UNG: variants seen among roughly 807,000 people sequenced by gnomAD.
UNG encodes the protein uracil DNA glycosylase.
Under a neutral mutation model 36.5 loss-of-function variants are expected in UNG, and 34 were observed. The observed-to-expected ratio is 0.93, with a 90% confidence interval of 0.71 to 1.24. UNG has a LOEUF of 1.24. Ranked by LOEUF, UNG falls within the 50% of genes most tolerant of loss-of-function variation. UNG has a pLI of 0.00. For missense variants in UNG, 391 were observed against 397.6 expected, an observed-to-expected ratio of 0.98 and a Z score of 0.14; for synonymous variants, 172 against 157.8, an observed-to-expected ratio of 1.09 and a Z score of -0.67.
intron 1 of UNG, chr12:109,098,048 C>A: frequency 7.3e-7 from 1 of 1,370,826 alleles, no homozygotes; most frequent in Non-Finnish European, 9.5e-7. Flanking sequence ...GCCGCAGGCC[C>A]TCCTGGCTCG....
intron 6 of UNG, among the ~76,000 whole-genome samples, chr12:109,104,062 G>GTTTTTTTTTTTT (rs1555265048): frequency 3.3e-5 from 5 of 150,832 alleles, no homozygotes; most frequent in African/African-American, 1.2e-4. Context: ...TGGGTTTTTT[G>GTTTTTTTTTTTT]TTTTTTGATG....
At chr12:109,109,779 AAAT>A (rs1388194090) in intron 6 of UNG, 47 bp from the exon 7 acceptor site, 1 of 1,602,476 alleles carries the variant, frequency 6.2e-7, no homozygotes, top group African/African-American at 1.4e-5. Flanking sequence ...AAAAAAAAAA[AAAT>A]TTAAAAAGTC....
chr12:109,097,604 G>C lies in UNG; in HGVS notation c.-76G>C, dbSNP rs2042139453. ...CGCGGGCCGCTTGGCGCCAATTGCTGACCGCCACAGCCACAGCCAGGGCTA... is the reference window on the plus strand; with the variant it reads ...CGCGGGCCGCTTGGCGCCAATTGCTCACCGCCACAGCCACAGCCAGGGCTA... On this transcript the variant is annotated 5_prime_UTR_variant, in exon 1 of 7. Transcript: ENST00000242576. 1 of 1,560,116 alleles carries C rather than the reference G, an allele frequency of 6.4e-7. No individual in the cohort carries two copies. The highest frequency in any genetic ancestry group is 8.7e-7 in the Non-Finnish European group (1 of 1,151,930).
intron 6 of UNG, among the ~76,000 whole-genome samples, chr12:109,107,346 G>A (rs1326430544): frequency 1.3e-5 from 2 of 151,796 alleles, no homozygotes; most frequent in Admixed American, 6.6e-5. Flanking sequence ...GACCACAGGC[G>A]TGCGCCACCA....
At chr12:109,099,037 C>G (rs1335298462) in intron 2 of UNG, 152 bp from the exon 3 acceptor site, 2 of 816,972 alleles carry the variant, frequency 2.4e-6, no homozygotes, top group Non-Finnish European at 3.9e-6. Flanking sequence ...GGGGCAGGCA[C>G]TGTTTTTGTT....
intron 1 of UNG, 137 bp from the exon 2 acceptor site, chr12:109,098,295 A>G (rs2042147853): frequency 1.3e-6 from 2 of 1,580,114 alleles, no homozygotes; most frequent in Admixed American, 1.8e-5. Flanking sequence ...CTGGGCTCTT[A>G]CTGTCCGCTT....
Position 109,109,781 on chromosome 12 carries a change from A to AAAAAAT in UNG, c.802-48_802-47insAAAAAT, listed in dbSNP as rs1555265461. 4.7e-4 allele frequency: 733 copies of AAAAAAT among 1,576,028 alleles called. 3 individuals carry two copies. The African/African-American group carries it at 4.9e-3, about 10-fold the overall frequency. ...TCTGTCTCAAAAAAAAAAAAAAAAA[A>AAAAAAT]TTTAAAAAGTCCCAAATCTGCCACC... On this transcript the variant is annotated intron_variant, in intron 6 of 6. Transcript: ENST00000242576.
intron 3 of UNG, among the ~76,000 whole-genome samples, chr12:109,100,078 C>T (rs1260215119): frequency 6.7e-6 from 1 of 150,148 alleles, no homozygotes; most frequent in African/African-American, 2.5e-5. Context: ...AAAAAAAAAC[C>T]GTGGCTTCTC....
intron 2 of UNG, 62 bp downstream of exon 2, chr12:109,098,700 G>A (rs1011588945): frequency 3.1e-6 from 5 of 1,607,816 alleles, no homozygotes; most frequent in South Asian, 1.1e-5. Flanking sequence ...CTTTTGTCTT[G>A]TTAGTGTAGC....
chr12:109,097,926 T>C, intron 1 of UNG, 115 bp downstream of exon 1: 1 of 1,354,728 alleles, frequency 7.4e-7, no homozygotes, highest in South Asian at 1.5e-5. Context: ...GGGCTCCGCT[T>C]TCCAAATAGC....
intron 1 of UNG, 69 bp from the exon 2 acceptor site, chr12:109,098,363 C>T (rs1247316219): frequency 1.9e-6 from 3 of 1,602,264 alleles, no homozygotes; most frequent in Admixed American, 1.7e-5. Context: ...GGGGTTGGGC[C>T]GGAAGCTGCG....
intron 3 of UNG, among the ~76,000 whole-genome samples, chr12:109,100,183 T>C (rs1400199198): frequency 6.6e-6 from 1 of 152,152 alleles, no homozygotes; most frequent in African/African-American, 2.4e-5. Context: ...CACTCCAGAG[T>C]TGGACAGTGT....
chr12:109,110,068 C>T lies in UNG; in HGVS notation c.*99C>T. 6.5e-7 allele frequency: 1 copy of T among 1,540,782 alleles called. No homozygotes were observed. The highest frequency in any genetic ancestry group is 1.8e-5 in the Admixed American group (1 of 55,678). On this transcript the variant is annotated 3_prime_UTR_variant, in exon 7 of 7. Coordinates refer to ENST00000242576, the MANE Select transcript of UNG (RefSeq NM_080911.3). Reference sequence around the variant, plus strand: ...TTCCTATTAATTCTTAAGTACTCTGCATAAGGGGGAAAAGCTTCCAGAAAG... The same window carrying T: ...TTCCTATTAATTCTTAAGTACTCTGTATAAGGGGGAAAAGCTTCCAGAAAG...
chr12:109,105,238 TCTTA>T (rs1253805735), intron 6 of UNG: 1 of 152,222 alleles, frequency 6.6e-6, no homozygotes, highest in Non-Finnish European at 1.5e-5. Context: ...GCATGCAGAA[TCTTA>T]CTTAACTCTC....
chr12:109,106,916 T>TATATACATATATACAC (rs1491420686), intron 6 of UNG, among the ~76,000 whole-genome samples: 2 of 40,148 alleles, frequency 5.0e-5, no homozygotes, highest in African/African-American at 4.1e-4. Flanking sequence ...TATATATATA[T>TATATACATATATACAC]GTGTATATAT....
rs781306636 is a variant in UNG at position 109,099,149 on chromosome 12, A to G, written c.340-40A>G. On this transcript the variant is annotated intron_variant, in intron 2 of 6. Transcript: ENST00000242576. ...TCTTATTGAATTCTTATGGTTTCCA[A>G]TGAGAATCTGATTTTAAGTCTAGTT... The G allele has an allele frequency of 5.1e-6, 8 of 1,568,092 alleles. No homozygotes were observed. The East Asian group carries it at 6.7e-5, about 13-fold the overall frequency.
In UNG at chr12:109,102,852, T is replaced by C. The variant is rs2042188359; in HGVS notation, c.547T>C (p.Tyr183His). ...GCTTGCTTTCAGTTTGGAGAACATT[T>C]ATAAAGAGTTGTCTACAGACATAGA... ...VPPPPSLENI[Y>H]KELSTDIEDF... The change falls in exon 5 of 7, where the codon TAT becomes CAT. Residue 183 changes from tyrosine to histidine, a missense_variant. Transcript: ENST00000242576. The C allele has an allele frequency of 1.2e-6, 2 of 1,613,698 alleles. No individual in the cohort carries two copies. The highest frequency in any genetic ancestry group is 1.7e-6 in the Non-Finnish European group (2 of 1,179,740).
chr12:109,107,620 G>C (rs2042228039), intron 6 of UNG, among the ~76,000 whole-genome samples: 1 of 150,682 alleles, frequency 6.6e-6, no homozygotes. Context: ...CCCCCTCCTG[G>C]GTTCAAGTGA....
intron 6 of UNG, among the ~76,000 whole-genome samples, chr12:109,106,244 A>G (rs1283772335): frequency 1.3e-5 from 2 of 152,116 alleles, no homozygotes; most frequent in Non-Finnish European, 2.9e-5. Flanking sequence ...TACAGATGAA[A>G]ACTGAAGCAG....
Sources: allele counts gnomAD v4.1 joint callset (sites outside exome capture counted in the v4.1 genomes callset), GRCh38; gene constraint gnomAD v4.1.1; transcripts MANE v1.5; gene names NCBI Gene and HGNC (gene_info 2026-07-23, HGNC 2026-07-21).